SDK2: variants seen among roughly 807,000 people sequenced by gnomAD.
SDK2 encodes the protein protein sidekick-2.
In SDK2, 105 loss-of-function variants were observed where a neutral mutation model predicts 253.9. The ratio of observed to expected loss-of-function variants is 0.41; its 90% CI spans 0.35 to 0.49. The LOEUF (loss-of-function observed/expected upper bound fraction) is 0.49. SDK2 is among the 20% of genes least tolerant of loss of function. The pLI is 0.06. For synonymous variants in SDK2, 1,249 were observed against 1,234.9 expected, an observed-to-expected ratio of 1.01 and a Z score of -0.24; for missense variants, 2,608 against 3,003.0, an observed-to-expected ratio of 0.87 and a Z score of 3.07.
At chr17:73,355,165 TA>T in intron 40 of SDK2, among the ~76,000 whole-genome samples, 1 of 42,548 alleles carries the variant, frequency 2.4e-5, no homozygotes, top group East Asian at 8.9e-4. Context: ...CCTCCATATA[TA>T]TATATATATT....
chr17:73,341,035 C>T (rs4638646), intron 44 of SDK2, among the ~76,000 whole-genome samples: 125,459 of 148,254 alleles, frequency 0.85, 56,511 homozygotes, highest in Non-Finnish European at 1. Flanking sequence ...TGAGCCACCG[C>T]GGCTGGTCTG....
Position 73,643,964 on chromosome 17 carries a change from G to A in SDK2, c.64+61C>T, listed in dbSNP as rs1337436016. ...ACCGTGAGGCCGGCCAGCTCCCGCCGCCCCTCCCCCGCCCACTCTCCCAGC... is the reference window on the plus strand; with the variant it reads ...ACCGTGAGGCCGGCCAGCTCCCGCCACCCCTCCCCCGCCCACTCTCCCAGC... On this transcript the variant is annotated intron_variant, in intron 1 of 44. Transcript: ENST00000392650. This position sits in a 1 kb window ranked among gnomAD's most constrained non-coding sequence, Gnocchi z 6.9. 1 of 516,324 alleles carries A rather than the reference G, an allele frequency of 1.9e-6. No individual in the cohort carries two copies. 32.0% of individuals were successfully genotyped at this position (516,324 alleles called of 1,614,324 possible). A position where few individuals can be genotyped will look rare whatever the true frequency, so the allele number is the denominator to read the frequency against.
At chr17:73,568,563 C>T (rs1567847829) in intron 1 of SDK2, among the ~76,000 whole-genome samples, 1 of 151,700 alleles carries the variant, frequency 6.6e-6, no homozygotes, top group Admixed American at 6.6e-5. Flanking sequence ...TAAAAAATAC[C>T]CACCCTGAAG....
In SDK2 at chr17:73,455,699, C is replaced by T. The variant is rs985483430; in HGVS notation, c.479+207G>A. Among the ~76,000 whole-genome samples the T allele has an allele frequency of 7.9e-5, 12 of 152,168 alleles. No homozygotes were observed. Among genetic ancestry groups the T allele is most frequent in the Admixed American group, 3.3e-4 (5 of 15,282 alleles). On this transcript the variant is annotated intron_variant, in intron 4 of 44. Coordinates refer to ENST00000392650, the MANE Select transcript of SDK2 (RefSeq NM_001144952.2). This position sits in a 1 kb window ranked among gnomAD's most constrained non-coding sequence, Gnocchi z 5.0. The stretch of plus-strand genomic sequence containing the variant: ...CCCTGGGATTCCCCAGGAAGGGGAC[C>T]GGGCATGGGTTTCATGGTCCCAAGT...
Position 73,365,268 on chromosome 17 carries a change from G to T in SDK2, c.5295C>A (p.Ser1765Arg). Residue 1765 changes from serine to arginine, a missense_variant, in exon 38 of 45, where the codon AGC becomes AGA. By Grantham distance (110) the Ser-to-Arg change is moderately radical. Around this residue, in one of 2 missense-constraint regions of SDK2, gnomAD observed 1,103 missense variants for 1,143.9 expected, o/e 0.96. Transcript: ENST00000392650. ...EGYRLVYEPCSPVDGVSKIVT... is the reference protein window; with the variant it reads ...EGYRLVYEPCRPVDGVSKIVT... ...GGGGGGTCCACTCACCATCCACGGG[G>T]CTGCAGGGCTCGTACACCAGCCTGT... 6.2e-7 allele frequency: 1 copy of T among 1,608,810 alleles called. No homozygotes were observed. Among genetic ancestry groups the T allele is most frequent in the Non-Finnish European group, 8.5e-7 (1 of 1,177,684 alleles).
rs1368147380 is a variant in SDK2, at chr17:73,616,468, G to T, written c.64+27557C>A. ...GACCGTGGCCTCAAGGACCACTGTC[G>T]CAATGCTTAGGCCTGAGCACGCATT... On this transcript the variant is annotated intron_variant, in intron 1 of 44. Coordinates refer to ENST00000392650, the MANE Select transcript of SDK2 (RefSeq NM_001144952.2). The surrounding 1 kb of genome is among the most constrained non-coding windows in gnomAD (Gnocchi z 5.2). 6.6e-6 allele frequency among the ~76,000 whole-genome samples: 1 copy of T among 152,176 alleles called. No individual in the cohort carries two copies. The highest frequency in any genetic ancestry group is 2.4e-5 in the African/African-American group (1 of 41,434).
intron 18 of SDK2, among the ~76,000 whole-genome samples, chr17:73,402,349 A>G (rs1198864867): frequency 6.6e-6 from 1 of 152,228 alleles, no homozygotes; most frequent in Non-Finnish European, 1.5e-5. Context: ...TGAGCCACTG[A>G]CTTTATGCAA....
chr17:73,634,210 C>G (rs1001474474), intron 1 of SDK2, among the ~76,000 whole-genome samples: 4 of 152,174 alleles, frequency 2.6e-5, no homozygotes, highest in African/African-American at 4.8e-5. Context: ...TAAGGAGAAG[C>G]CTGTGGTCAA....
intron 1 of SDK2, among the ~76,000 whole-genome samples, chr17:73,569,894 A>G (rs1352194590): frequency 6.6e-6 from 1 of 151,944 alleles, no homozygotes; most frequent in African/African-American, 2.4e-5. Flanking sequence ...CACGGCTGTC[A>G]CCACTCTCAG....
intron 39 of SDK2, among the ~76,000 whole-genome samples, chr17:73,359,626 A>G (rs1360157458): frequency 6.6e-6 from 1 of 152,060 alleles, no homozygotes; most frequent in Non-Finnish European, 1.5e-5. Context: ...CCCTGCACCC[A>G]CACCATGTGG....
Position 73,397,673 on chromosome 17 carries a change from C to T in SDK2, c.3354+362G>A, listed in dbSNP as rs143004756. ...CACAGTGGCACTTGAACCCCAGACCCGCCGCTTGGGAGCTGTGTGGCTGTG... is the reference window on the plus strand; with the variant it reads ...CACAGTGGCACTTGAACCCCAGACCTGCCGCTTGGGAGCTGTGTGGCTGTG... On this transcript the variant is annotated intron_variant, in intron 24 of 44. Transcript: ENST00000392650. 3.1e-3 allele frequency among the ~76,000 whole-genome samples: 466 copies of T among 152,274 alleles called. 2 individuals carry two copies. Among genetic ancestry groups the T allele is most frequent in the African/African-American group, 0.011 (449 of 41,554 alleles).
intron 1 of SDK2, among the ~76,000 whole-genome samples, chr17:73,599,588 G>C (rs1359127131): frequency 2.0e-5 from 3 of 151,874 alleles, no homozygotes; most frequent in Non-Finnish European, 4.4e-5. Flanking sequence ...AAAAGAGGAG[G>C]AGAGAGGGAG....
chr17:73,601,624 G>A (rs1388257009), intron 1 of SDK2, among the ~76,000 whole-genome samples: 1 of 152,160 alleles, frequency 6.6e-6, no homozygotes, highest in Non-Finnish European at 1.5e-5. Context: ...GGCATGTGGA[G>A]AATCACCAGT....
intron 3 of SDK2, among the ~76,000 whole-genome samples, chr17:73,461,393 C>G (rs2063561464): frequency 6.6e-6 from 1 of 152,190 alleles, no homozygotes; most frequent in African/African-American, 2.4e-5. Context: ...ATGTCTATGA[C>G]AACTGTCGAA....
chr17:73,340,141 G>T (rs1388696702), intron 44 of SDK2, among the ~76,000 whole-genome samples: 2 of 152,186 alleles, frequency 1.3e-5, no homozygotes, highest in Non-Finnish European at 1.5e-5. Flanking sequence ...CAAAGTGCTG[G>T]GATTCAGGCG....
At chr17:73,526,741 C>T (rs2064129199) in intron 1 of SDK2, among the ~76,000 whole-genome samples, 1 of 152,116 alleles carries the variant, frequency 6.6e-6, no homozygotes, top group Non-Finnish European at 1.5e-5. Flanking sequence ...GCAGGATCAG[C>T]CCAAGGCCCC....
intron 8 of SDK2, among the ~76,000 whole-genome samples, chr17:73,436,585 A>AT (rs1304668873): frequency 7.6e-5 from 11 of 144,828 alleles, no homozygotes; most frequent in Admixed American, 1.4e-4. Flanking sequence ...TCAAAAAAAA[A>AT]AAAAAAAAAA....
chr17:73,430,467 G>T lies in SDK2; in HGVS notation c.1583+44C>A, dbSNP rs143153761. On this transcript the variant is annotated intron_variant, in intron 12 of 44. Coordinates refer to ENST00000392650, the MANE Select transcript of SDK2 (RefSeq NM_001144952.2). ...GCCCAGCTACAAGCTATTGCCAGAG[G>T]CTCCCCCTCCCCTCTTGCCTGGAGT... 12,324 of 1,443,664 alleles carry T rather than the reference G, an allele frequency of 8.5e-3. 73 individuals carry two copies. Among genetic ancestry groups the T allele is most frequent in the Non-Finnish European group, 0.011 (11,259 of 1,042,192 alleles). The allele number at this position is 1,443,664 out of a possible 1,614,324, so 89.4% of individuals were successfully genotyped here.
chr17:73,343,530 G>C (rs1458425656), intron 44 of SDK2, among the ~76,000 whole-genome samples: 1 of 152,232 alleles, frequency 6.6e-6, no homozygotes, highest in Non-Finnish European at 1.5e-5. Flanking sequence ...CCAGCACAAA[G>C]GGGGCCTTTC....
Sources: allele counts gnomAD v4.1 joint callset (sites outside exome capture counted in the v4.1 genomes callset), GRCh38; gene constraint gnomAD v4.1.1; regional missense constraint gnomAD v4.1.1; non-coding constraint Gnocchi (gnomAD v3.1); transcripts MANE v1.5; gene names NCBI Gene and HGNC (gene_info 2026-07-23, HGNC 2026-07-21).